AGPS: variants seen among roughly 807,000 people sequenced by gnomAD.
The protein encoded by AGPS is alkyldihydroxyacetonephosphate synthase, peroxisomal.
Under a neutral mutation model 90.7 loss-of-function variants are expected in AGPS, and 26 were observed. That is an observed-to-expected ratio of 0.29 (90% confidence interval 0.21 to 0.40). The LOEUF (loss-of-function observed/expected upper bound fraction) is 0.40. AGPS is among the 10% of genes least tolerant of loss of function. The probability of loss-of-function intolerance (pLI) is 1.00; values close to 1 mark genes in which losing one functional copy is unlikely to be tolerated. For missense variants in AGPS, 540 were observed against 816.1 expected (o/e 0.66, Z 4.12); for synonymous variants, 294 against 285.3 (o/e 1.03, Z -0.31).
intron 19 of AGPS, among the ~76,000 whole-genome samples, chr2:177,531,594 T>C (rs1432986213): frequency 6.6e-6 from 1 of 152,198 alleles, no homozygotes; most frequent in Non-Finnish European, 1.5e-5. Flanking sequence ...ATCTGTTTAG[T>C]GCATTTTCTG....
intron 9 of AGPS, among the ~76,000 whole-genome samples, chr2:177,467,397 T>C (rs985044421): frequency 6.6e-6 from 1 of 152,210 alleles, no homozygotes; most frequent in African/African-American, 2.4e-5. Context: ...AAAAATATTC[T>C]TTTTAAAATT....
intron 10 of AGPS, among the ~76,000 whole-genome samples, chr2:177,480,957 A>G (rs1249614455): frequency 1.3e-5 from 2 of 152,094 alleles, no homozygotes; most frequent in South Asian, 2.1e-4. Flanking sequence ...CATACAAGTC[A>G]TAAGTTATTT....
intron 15 of AGPS, among the ~76,000 whole-genome samples, 189 bp downstream of exon 15, chr2:177,505,764 C>T (rs996961752): frequency 1.3e-5 from 2 of 151,872 alleles, no homozygotes; most frequent in African/African-American, 2.4e-5. Context: ...TCTCCATATG[C>T]TCTTGAAGAA....
At chr2:177,408,210 T>C (rs920754198) in intron 1 of AGPS, among the ~76,000 whole-genome samples, 3 of 152,170 alleles carry the variant, frequency 2.0e-5, no homozygotes, top group Non-Finnish European at 1.5e-5. Context: ...CACATGATGT[T>C]TGGTCATTCT....
intron 1 of AGPS, among the ~76,000 whole-genome samples, chr2:177,416,891 A>T (rs1399048001): frequency 6.6e-6 from 1 of 152,128 alleles, no homozygotes; most frequent in East Asian, 1.9e-4. Flanking sequence ...GGAATGTCTG[A>T]GATCATACTG....
intron 8 of AGPS, among the ~76,000 whole-genome samples, chr2:177,460,906 A>T (rs1687273017): frequency 6.6e-6 from 1 of 152,230 alleles, no homozygotes; most frequent in Admixed American, 6.5e-5. Flanking sequence ...ATAGATAGAG[A>T]ATTTGTATTG....
At chr2:177,416,503 C>T (rs927393315) in intron 1 of AGPS, among the ~76,000 whole-genome samples, 16 of 151,786 alleles carry the variant, frequency 1.1e-4, no homozygotes, top group South Asian at 4.1e-4. Flanking sequence ...ACTATTCTTT[C>T]GGCAGGAGGA....
chr2:177,538,046 T>G (rs1447524932), intron 19 of AGPS, 28 bp from the exon 20 acceptor site: 6 of 1,612,268 alleles, frequency 3.7e-6, no homozygotes, highest in Admixed American at 3.3e-5. Context: ...TAGCATATAT[T>G]GAAGCATTTT....
At chr2:177,441,340 G>T in intron 6 of AGPS, 1 of 281,564 alleles carries the variant, frequency 3.6e-6, no homozygotes. Flanking sequence ...TATTTATGGA[G>T]AGAATTTTCT....
chr2:177,458,998 C>T (rs999287016), intron 8 of AGPS, among the ~76,000 whole-genome samples: 2 of 152,068 alleles, frequency 1.3e-5, no homozygotes, highest in African/African-American at 2.4e-5. Flanking sequence ...TGGAAAAGAA[C>T]GGAGGCCTCA....
chr2:177,438,315 G>A (rs1021611196), intron 5 of AGPS, among the ~76,000 whole-genome samples: 1 of 152,178 alleles, frequency 6.6e-6, no homozygotes, highest in African/African-American at 2.4e-5. Context: ...CCGTTACTCA[G>A]AATGATGACG....
intron 18 of AGPS, among the ~76,000 whole-genome samples, chr2:177,522,022 C>G (rs1689209217): frequency 3.3e-5 from 5 of 152,074 alleles, no homozygotes. Context: ...TTCAGTAGCA[C>G]ACTTTTAGAC....
chr2:177,497,741 A>T lies in AGPS; in HGVS notation c.1338A>T (p.Gly446=). ...CTATTTTTACATCATTTTTGGACGG[A>T]TTAAAAAAGTTTTATATTACAAAGG... ...VSSIFTSFLD[G]LKKFYITKFK... The change falls in exon 13 of 20, where the codon GGA becomes GGT. Residue 446 remains glycine (G), a synonymous_variant. Coordinates refer to ENST00000264167, the MANE Select transcript of AGPS (RefSeq NM_003659.4). 6.4e-7 allele frequency: 1 copy of T among 1,572,780 alleles called. No homozygotes were observed. The highest frequency in any genetic ancestry group is 8.7e-7 in the Non-Finnish European group (1 of 1,147,500).
intron 2 of AGPS, among the ~76,000 whole-genome samples, chr2:177,427,994 A>G (rs1686129692): frequency 6.6e-6 from 1 of 152,164 alleles, no homozygotes; most frequent in South Asian, 2.1e-4. Flanking sequence ...AATTTGCTTT[A>G]TGGATCTGGG....
chr2:177,434,996 G>GGGGT (rs1266122716), intron 3 of AGPS, among the ~76,000 whole-genome samples: 3 of 2,962 alleles, frequency 1.0e-3, no homozygotes, highest in African/African-American at 2.2e-3. Flanking sequence ...TTAAACTGTA[G>GGGGT]GTATATATAT....
chr2:177,513,547 G>T (rs1348745281), intron 16 of AGPS, among the ~76,000 whole-genome samples: 2 of 152,096 alleles, frequency 1.3e-5, no homozygotes, highest in Admixed American at 6.5e-5. Flanking sequence ...TTTCCTAAGT[G>T]TAGGAAACCA....
chr2:177,487,524 T>G, intron 11 of AGPS, among the ~76,000 whole-genome samples: 1 of 152,186 alleles, frequency 6.6e-6, no homozygotes, highest in East Asian at 1.9e-4. Flanking sequence ...ACATAAATTT[T>G]ATGAATTGTT....
intron 12 of AGPS, 56 bp downstream of exon 12, chr2:177,493,255 A>G: frequency 2.1e-6 from 3 of 1,455,160 alleles, no homozygotes; most frequent in Non-Finnish European, 1.9e-6. Flanking sequence ...TTTATGAAAC[A>G]TCAGTAGGAA....
At chr2:177,461,777 T>C in intron 8 of AGPS, 116 bp from the exon 9 acceptor site, 1 of 831,048 alleles carries the variant, frequency 1.2e-6, no homozygotes, top group Non-Finnish European at 1.8e-6. Context: ...TATGTAGGAA[T>C]TAATAAATTC....
Sources: gnomAD v4.1 joint callset for allele counts (sites outside exome capture counted in the v4.1 genomes callset) on GRCh38, gnomAD v4.1.1 for gene constraint, MANE v1.5 for transcripts, NCBI Gene and HGNC (gene_info 2026-07-23, HGNC 2026-07-21) for gene names.